The following SLC34A1 variants were observed in gnomAD, a reference collection of about 807,000 sequenced individuals.
SLC34A1 encodes solute carrier family 34 member 1.
A neutral mutation model predicts 51.4 loss-of-function variants in SLC34A1; 57 were observed. The ratio of observed to expected loss-of-function variants is 1.11; its 90% CI spans 0.90 to 1.38. The LOEUF is 1.38. SLC34A1 is among the 40% of genes most tolerant of loss of function. The pLI, the probability that SLC34A1 is intolerant of heterozygous loss-of-function variation, is 0.00. For missense variants in SLC34A1, 796 were observed against 835.6 expected (o/e 0.95, Z 0.58); for synonymous variants, 368 against 358.0 (o/e 1.03, Z -0.32).
Position 177,386,121 on chromosome 5 carries a change from GA to G in SLC34A1, c.245del (p.Glu82GlyfsTer25). On this transcript the variant is annotated frameshift_variant, in exon 3 of 13. Transcript: ENST00000324417. LOFTEE classifies it high-confidence loss of function. This position sits in a 1 kb window ranked among gnomAD's most constrained non-coding sequence, Gnocchi z 4.8. ...ACTGCCTGCCAAGCTGGCCCTGGAG[GA>G]GGAGCAGAAGCCAGGTGGGCCTGGG... The part of the protein sequence containing the change: ...EPLPAKLALE[E>X]EQKPESRLVP... 1 of 1,613,626 alleles carries G rather than the reference GA, an allele frequency of 6.2e-7. No homozygotes were observed. The highest frequency in any genetic ancestry group is 1.1e-5 in the South Asian group (1 of 91,052).
In SLC34A1 at chr5:177,386,471, C is replaced by T. The variant is rs548844573; in HGVS notation, c.437C>T (p.Pro146Leu). The T allele has an allele frequency of 4.7e-5, 76 of 1,613,968 alleles. No individual in the cohort carries two copies. The highest frequency in any genetic ancestry group is 6.6e-5 in the South Asian group (6 of 91,082). ...AAGGATAACGCCATCCTGTCCAACC[C>T]GGTGGCCGGGCTGGTGGTGGGGATC... ...IFKDNAILSN[P>L]VAGLVVGILV... is the part of the protein sequence containing the mutation. Residue 146 changes from proline to leucine, a missense_variant, in exon 5 of 13, where the codon CCG becomes CTG. Pro to Leu is a moderately conservative substitution (Grantham distance 98, BLOSUM62 -3). Coordinates refer to ENST00000324417, the MANE Select transcript of SLC34A1 (RefSeq NM_003052.5). The surrounding 1 kb of genome is among the most constrained non-coding windows in gnomAD (Gnocchi z 4.8).
chr5:177,390,129 T>C, intron 8 of SLC34A1: 1 of 1,039,008 alleles, frequency 9.6e-7, no homozygotes, highest in Non-Finnish European at 1.2e-6. Context: ...CCTTCCAACC[T>C]GTTCCCATTG....
chr5:177,385,680 G>T lies in SLC34A1; in HGVS notation c.-47-15G>T, dbSNP rs1762535665. The T allele has an allele frequency of 2.1e-5, 25 of 1,209,008 alleles. 1 individual carries two copies. The South Asian group carries it at 3.2e-4, about 15-fold the overall frequency. 74.9% of individuals were successfully genotyped at this position (1,209,008 alleles called of 1,614,324 possible). A position where few individuals can be genotyped will look rare whatever the true frequency, so the allele number is the denominator to read the frequency against. The stretch of plus-strand genomic sequence containing the variant: ...TGTGGGCATGAGTGTCCCGGACACA[G>T]CTATTGTCATTCAGCGTTGCTGAGA... On this transcript the variant is annotated splice_polypyrimidine_tract_variant and intron_variant, in intron 1 of 12. Coordinates refer to ENST00000324417, the MANE Select transcript of SLC34A1 (RefSeq NM_003052.5).
At chr5:177,385,255 A>T (rs1762520331) in intron 1 of SLC34A1, among the ~76,000 whole-genome samples, 1 of 152,182 alleles carries the variant, frequency 6.6e-6, no homozygotes, top group South Asian at 2.1e-4. Context: ...CACTGCCAAC[A>T]CCACGTATTC....
rs1763041384 is a variant in SLC34A1 at position 177,398,362 on chromosome 5, T to TATGTGC, written c.*83_*88dup. 1 of 1,543,644 alleles carries TATGTGC rather than the reference T, an allele frequency of 6.5e-7. No homozygotes were observed. The highest frequency in any genetic ancestry group is 8.8e-7 in the Non-Finnish European group (1 of 1,131,508). On this transcript the variant is annotated 3_prime_UTR_variant, in exon 13 of 13. Coordinates refer to ENST00000324417, the MANE Select transcript of SLC34A1 (RefSeq NM_003052.5). The surrounding 1 kb of genome is among the most constrained non-coding windows in gnomAD (Gnocchi z 4.7). ...GCAGGGGAGGGAGGGTGTGTGTAGG[T>TATGTGC]ATGTGCATGTGCCTGTGCCACCCTG...
At position 177,398,300 on chromosome 5, in the gene SLC34A1, A is replaced by G. The variant is rs1763039930; in HGVS notation, c.*14A>G. 1 of 1,599,126 alleles carries G rather than the reference A, an allele frequency of 6.3e-7. No individual in the cohort carries two copies. Among genetic ancestry groups the G allele is most frequent in the Non-Finnish European group, 8.5e-7 (1 of 1,179,868 alleles). ...ACCCGCCTCTAGGCTGTGGGCCCAG[A>G]CTACAGCCTGGAATGGGGAAGGCCT... On this transcript the variant is annotated 3_prime_UTR_variant, in exon 13 of 13. Coordinates refer to ENST00000324417, the MANE Select transcript of SLC34A1 (RefSeq NM_003052.5). The surrounding 1 kb of genome is among the most constrained non-coding windows in gnomAD (Gnocchi z 4.7).
Position 177,385,695 on chromosome 5 carries a change from CG to C in SLC34A1, c.-46del. The stretch of plus-strand genomic sequence containing the variant: ...CCCGGACACAGCTATTGTCATTCAG[CG>C]TTGCTGAGACCCACTGACCTGCAGA... On this transcript the variant is annotated splice_region_variant and 5_prime_UTR_variant, in exon 2 of 13. Transcript: ENST00000324417. The C allele has an allele frequency of 3.0e-6, 4 of 1,351,224 alleles. No homozygotes were observed. The African/African-American group carries it at 5.7e-5, about 19-fold the overall frequency. 83.7% of individuals were successfully genotyped at this position (1,351,224 alleles called of 1,614,324 possible). A position where few individuals can be genotyped will look rare whatever the true frequency, so the allele number is the denominator to read the frequency against.
Position 177,385,943 on chromosome 5 carries a change from C to T in SLC34A1, c.110-44C>T. 2.5e-6 allele frequency: 4 copies of T among 1,610,548 alleles called. No individual in the cohort carries two copies. The South Asian group carries it at 3.3e-5, about 13-fold the overall frequency. On this transcript the variant is annotated intron_variant, in intron 2 of 12. Transcript: ENST00000324417. Reference sequence around the variant, plus strand: ...TCCCCCGCCTGTTCCTCCCCGCCTCCCCACTTTGGGGCCCTGGGGCTCCTG... The same window carrying T: ...TCCCCCGCCTGTTCCTCCCCGCCTCTCCACTTTGGGGCCCTGGGGCTCCTG...
chr5:177,398,075 C>T lies in SLC34A1; in HGVS notation c.1709C>T (p.Pro570Leu). ...VLQSRSPGHL[P>L]KWLQTWDFLP... ...CAGAGTCGGAGTCCCGGGCACCTGC[C>T]CAAGTGGTTACAGACATGGGACTTC... Residue 570 changes from proline (P) to leucine (L), a missense_variant, in exon 13 of 13, where the codon CCC becomes CTC. Coordinates refer to ENST00000324417, the MANE Select transcript of SLC34A1 (RefSeq NM_003052.5). The surrounding 1 kb of genome is among the most constrained non-coding windows in gnomAD (Gnocchi z 4.7). The T allele has an allele frequency of 1.2e-6, 2 of 1,613,694 alleles. No individual in the cohort carries two copies. Among genetic ancestry groups the T allele is most frequent in the South Asian group, 1.1e-5 (1 of 91,080 alleles).
At chr5:177,390,684 T>A (rs1581641857) in intron 8 of SLC34A1, among the ~76,000 whole-genome samples, 1 of 151,842 alleles carries the variant, frequency 6.6e-6, no homozygotes, top group African/African-American at 2.4e-5. Context: ...CACCAGGTGG[T>A]GCTGCTGGCA....
At chr5:177,393,663 A>G in intron 8 of SLC34A1, 31 bp from the exon 9 acceptor site, 1 of 1,611,082 alleles carries the variant, frequency 6.2e-7, no homozygotes, top group Non-Finnish European at 8.5e-7. Context: ...GTGTTTTCCT[A>G]ATTCACTAAG....
At chr5:177,394,229 A>G in intron 10 of SLC34A1, 34 bp downstream of exon 10, 2 of 1,609,718 alleles carry the variant, frequency 1.2e-6, no homozygotes, top group Non-Finnish European at 1.7e-6. Context: ...GCAGGGCCAC[A>G]GGATGGGCCT....
Position 177,386,493 on chromosome 5 carries a change from G to T in SLC34A1, c.459G>T (p.Gly153=). 1.2e-6 allele frequency: 2 copies of T among 1,614,200 alleles called. No individual in the cohort carries two copies. The highest frequency in any genetic ancestry group is 1.6e-4 in the Middle Eastern group (1 of 6,062). The change falls in exon 5 of 13, where the codon GGG becomes GGT. Residue 153 remains glycine, a synonymous_variant. Coordinates refer to ENST00000324417, the MANE Select transcript of SLC34A1 (RefSeq NM_003052.5). The surrounding 1 kb of genome is among the most constrained non-coding windows in gnomAD (Gnocchi z 4.8). Reference sequence around the variant, plus strand: ...ACCCGGTGGCCGGGCTGGTGGTGGGGATCCTGGTGACCGTGCTGGTGCAGA... The same window carrying T: ...ACCCGGTGGCCGGGCTGGTGGTGGGTATCCTGGTGACCGTGCTGGTGCAGA... ...LSNPVAGLVV[G]ILVTVLVQSS...
In SLC34A1 at chr5:177,388,458, C is replaced by A; in HGVS notation, c.936+86C>A. The A allele has an allele frequency of 8.5e-7, 1 of 1,178,258 alleles. No individual in the cohort carries two copies. The highest frequency in any genetic ancestry group is 1.3e-6 in the Non-Finnish European group (1 of 794,786). The allele number at this position is 1,178,258 out of a possible 1,614,324, so 73.0% of individuals were successfully genotyped here. On this transcript the variant is annotated intron_variant, in intron 8 of 12. Coordinates refer to ENST00000324417, the MANE Select transcript of SLC34A1 (RefSeq NM_003052.5). This position sits in a 1 kb window ranked among gnomAD's most constrained non-coding sequence, Gnocchi z 4.3. ...TCTGTTCAAAATGCTCCAGATAGACCTTGAAGATCATTTAGCCAGGAGAGG... is the reference window on the plus strand; with the variant it reads ...TCTGTTCAAAATGCTCCAGATAGACATTGAAGATCATTTAGCCAGGAGAGG...
intron 5 of SLC34A1, among the ~76,000 whole-genome samples, chr5:177,387,135 C>G (rs1032616840): frequency 6.6e-5 from 10 of 151,780 alleles, no homozygotes; most frequent in Non-Finnish European, 1.3e-4. Flanking sequence ...CTTTGGGAGG[C>G]TGAGGGGGGC....
chr5:177,394,549 G>C (rs571715581), intron 10 of SLC34A1, among the ~76,000 whole-genome samples: 1 of 152,198 alleles, frequency 6.6e-6, no homozygotes, highest in African/African-American at 2.4e-5. Flanking sequence ...AGCCCAGCAG[G>C]GGGAGGAAAG....
At chr5:177,390,428 C>G in intron 8 of SLC34A1, 1 of 966,390 alleles carries the variant, frequency 1.0e-6, no homozygotes, top group Non-Finnish European at 1.2e-6. Flanking sequence ...ATTTTACAGA[C>G]GAGGAGCACT....
Position 177,388,039 on chromosome 5 carries a change from A to G in SLC34A1, c.690A>G (p.Ser230=). The change falls in exon 7 of 13, where the codon TCA becomes TCG. Residue 230 remains serine (S), a synonymous_variant. Transcript: ENST00000324417. The surrounding 1 kb of genome is among the most constrained non-coding windows in gnomAD (Gnocchi z 4.3). ...ATVHDCFNWL[S]VLVLLPLEAA... is the part of the protein sequence containing the mutation. Reference sequence around the variant, plus strand: ...TGCATGACTGCTTTAACTGGCTGTCAGTGCTGGTCCTGCTGCCCCTGGAGG... The same window carrying G: ...TGCATGACTGCTTTAACTGGCTGTCGGTGCTGGTCCTGCTGCCCCTGGAGG... 1 of 1,613,990 alleles carries G rather than the reference A, an allele frequency of 6.2e-7. No homozygotes were observed. Among genetic ancestry groups the G allele is most frequent in the South Asian group, 1.1e-5 (1 of 91,078 alleles).
At chr5:177,387,682 G>A in intron 5 of SLC34A1, 80 bp from the exon 6 acceptor site, 1 of 1,200,760 alleles carries the variant, frequency 8.3e-7, no homozygotes, top group East Asian at 2.3e-5. Context: ...TGGGACGTGG[G>A]TGGGGGGCCT....
Sources: gnomAD v4.1 joint callset for allele counts (sites outside exome capture counted in the v4.1 genomes callset) on GRCh38, gnomAD v4.1.1 for gene constraint, Gnocchi (gnomAD v3.1) non-coding constraint, MANE v1.5 for transcripts, NCBI Gene and HGNC (gene_info 2026-07-23, HGNC 2026-07-21) for gene names.